CCM2: variants seen among roughly 807,000 people sequenced by gnomAD.
The protein encoded by CCM2 is CCM2 scaffold protein, also known as cerebral cavernous malformations 2 protein.
A neutral mutation model predicts 44.9 loss-of-function variants in CCM2; 25 were observed. The ratio of observed to expected loss-of-function variants is 0.56; its 90% CI spans 0.41 to 0.78. CCM2 has a LOEUF of 0.78. CCM2 is among the 30% of genes least tolerant of loss of function. The pLI, the probability that CCM2 is intolerant of heterozygous loss-of-function variation, is 0.00. For synonymous variants in CCM2, 219 were observed against 241.1 expected (o/e 0.91, Z 0.85); for missense variants, 481 against 580.6 (o/e 0.83, Z 1.76).
intron 4 of CCM2, among the ~76,000 whole-genome samples, chr7:45,065,773 G>A (rs752818183): frequency 9.9e-5 from 15 of 151,440 alleles, no homozygotes; most frequent in South Asian, 2.1e-4. Context: ...CCTCCCCAAC[G>A]CAGGCACACA....
At chr7:45,034,017 C>T (rs764232890) in intron 1 of CCM2, among the ~76,000 whole-genome samples, 2 of 152,250 alleles carry the variant, frequency 1.3e-5, no homozygotes, top group South Asian at 4.1e-4. Flanking sequence ...ATGAGAACCC[C>T]GCACTGCAAA....
In CCM2 at chr7:45,075,645, A is replaced by G. The variant is rs1784195699; in HGVS notation, c.1055-132A>G. 4.6e-6 allele frequency: 5 copies of G among 1,087,440 alleles called. No homozygotes were observed. The East Asian group carries it at 1.2e-4, about 26-fold the overall frequency. 67.4% of individuals were successfully genotyped at this position (1,087,440 alleles called of 1,614,324 possible). A position where few individuals can be genotyped will look rare whatever the true frequency, so the allele number is the denominator to read the frequency against. On this transcript the variant is annotated intron_variant, in intron 9 of 9. Coordinates refer to ENST00000258781, the MANE Select transcript of CCM2 (RefSeq NM_031443.4). The stretch of plus-strand genomic sequence containing the variant: ...AACCAGGATGCTAGATGCAGTGAGC[A>G]TGGCATCAGGGTCCCCAAGGCCATG...
chr7:45,024,776 CT>C (rs1023265829), intron 1 of CCM2, among the ~76,000 whole-genome samples: 1 of 151,930 alleles, frequency 6.6e-6, no homozygotes, highest in African/African-American at 2.4e-5. Context: ...TTTACAGGTA[CT>C]TTTTTTTGCA....
At chr7:45,021,146 A>G (rs187462871) in intron 1 of CCM2, among the ~76,000 whole-genome samples, 1 of 152,208 alleles carries the variant, frequency 6.6e-6, no homozygotes, top group African/African-American at 2.4e-5. Context: ...GTCCCAGCCT[A>G]CTCATGAGGC....
chr7:45,062,842 A>AAT lies in CCM2; in HGVS notation c.205-1076_205-1075insAT, dbSNP rs34671388. Among the ~76,000 whole-genome samples, 3 of 148,230 alleles carry AAT rather than the reference A, an allele frequency of 2.0e-5. No homozygotes were observed. The Admixed American group carries it at 2.0e-4, about 10-fold the overall frequency. On this transcript the variant is annotated intron_variant, in intron 2 of 9. Coordinates refer to ENST00000258781, the MANE Select transcript of CCM2 (RefSeq NM_031443.4). ...ACCCTGTCTCAAAAAAAAAAAAAAA[A>AAT]TCGTATCGTTCTGGAGGCTAGGAGG...
intron 2 of CCM2, among the ~76,000 whole-genome samples, chr7:45,046,212 A>G (rs942554898): frequency 6.6e-6 from 1 of 152,246 alleles, no homozygotes; most frequent in Admixed American, 6.5e-5. Flanking sequence ...AAACAAGACT[A>G]TTCTTAAAGT....
intron 6 of CCM2, chr7:45,072,041 A>G (rs917860533): frequency 2.8e-6 from 1 of 361,984 alleles, no homozygotes; most frequent in Non-Finnish European, 5.4e-6. Flanking sequence ...CCTCTGCTTC[A>G]TTTAAAATCT....
intron 2 of CCM2, among the ~76,000 whole-genome samples, chr7:45,050,743 G>A (rs1285524631): frequency 6.6e-6 from 1 of 152,080 alleles, no homozygotes. Context: ...AGTGTGTCGG[G>A]TAAGTTAGTC....
intron 1 of CCM2, among the ~76,000 whole-genome samples, chr7:45,016,459 A>G (rs946943489): frequency 6.7e-6 from 1 of 150,240 alleles, no homozygotes; most frequent in African/African-American, 2.5e-5. Flanking sequence ...CCTCCTGAGT[A>G]GCTGGGATTA....
chr7:45,038,105 G>T, intron 1 of CCM2, 148 bp from the exon 2 acceptor site: 1 of 935,368 alleles, frequency 1.1e-6, no homozygotes, highest in Non-Finnish European at 1.7e-6. Flanking sequence ...GTGTGCTGTT[G>T]GTACCTTTCT....
intron 1 of CCM2, among the ~76,000 whole-genome samples, chr7:45,001,194 A>G (rs573558024): frequency 2.5e-4 from 38 of 152,300 alleles, no homozygotes; most frequent in Non-Finnish European, 4.0e-4. Context: ...TTTAATTGAC[A>G]GCTACTCACC....
At chr7:45,025,991 T>G (rs1796674968) in intron 1 of CCM2, among the ~76,000 whole-genome samples, 1 of 152,212 alleles carries the variant, frequency 6.6e-6, no homozygotes, top group Non-Finnish European at 1.5e-5. Flanking sequence ...ATCACTGTGT[T>G]TGTGAGGGAA....
chr7:45,016,371 C>T (rs1796263857), intron 1 of CCM2, among the ~76,000 whole-genome samples: 1 of 152,102 alleles, frequency 6.6e-6, no homozygotes, highest in Non-Finnish European at 1.5e-5. Flanking sequence ...CTCTTGTTGC[C>T]CAGGCTGGAG....
intron 2 of CCM2, among the ~76,000 whole-genome samples, chr7:45,062,632 C>A (rs561979974): frequency 6.6e-6 from 1 of 152,080 alleles, no homozygotes; most frequent in African/African-American, 2.4e-5. Context: ...TCCAAGAGTT[C>A]GAGACCAGCC....
intron 7 of CCM2, chr7:45,073,183 C>T (rs1430352357): frequency 6.9e-6 from 4 of 578,324 alleles, no homozygotes; most frequent in Non-Finnish European, 1.2e-5. Context: ...CTGGCTCCTT[C>T]CCCTGCCCAA....
At chr7:45,074,551 AGAGCAGAGTCCAGAGATCGGG>A (rs1202914318) in intron 9 of CCM2, 143 bp downstream of exon 9, 5 of 745,418 alleles carry the variant, frequency 6.7e-6, no homozygotes, top group Non-Finnish European at 9.5e-6. Context: ...AGATGGCATG[AGAGCAGAGTCCAGAGATCGGG>A]GAATCTGCTG....
chr7:45,039,711 G>C (rs1797388780), intron 2 of CCM2, among the ~76,000 whole-genome samples: 1 of 152,284 alleles, frequency 6.6e-6, no homozygotes, highest in South Asian at 2.1e-4. Flanking sequence ...AAAAAGGTGA[G>C]AGGAAGAGCT....
chr7:45,018,821 G>T (rs189527897), intron 1 of CCM2, among the ~76,000 whole-genome samples: 4 of 150,754 alleles, frequency 2.7e-5, no homozygotes, highest in African/African-American at 9.8e-5. Flanking sequence ...GTGCAGTAGC[G>T]CAATCTCAGC....
chr7:45,046,610 T>C (rs1797767405), intron 2 of CCM2, among the ~76,000 whole-genome samples: 1 of 152,176 alleles, frequency 6.6e-6, no homozygotes, highest in African/African-American at 2.4e-5. Context: ...TCAAAATGGA[T>C]CATAGGCTTA....
Sources: allele counts gnomAD v4.1 joint callset (sites outside exome capture counted in the v4.1 genomes callset), GRCh38; gene constraint gnomAD v4.1.1; transcripts MANE v1.5; gene names NCBI Gene and HGNC (gene_info 2026-07-23, HGNC 2026-07-21).